The following SCN2A variants were observed in gnomAD, a reference collection of about 807,000 sequenced individuals.
SCN2A encodes sodium channel protein type 2 subunit alpha.
In SCN2A, 20 loss-of-function variants were observed where a neutral mutation model predicts 188.7. The ratio of observed to expected loss-of-function variants is 0.11; its 90% CI spans 0.07 to 0.15. The LOEUF is 0.15. SCN2A is among the 10% of genes least tolerant of loss of function. The pLI is 1.00. For missense variants in SCN2A, 1,278 were observed against 2,445.0 expected, an observed-to-expected ratio of 0.52 and a Z score of 10.07; for synonymous variants, 804 against 833.1, an observed-to-expected ratio of 0.97 and a Z score of 0.60.
intron 1 of SCN2A, among the ~76,000 whole-genome samples, chr2:165,251,778 C>A (rs1694106081): frequency 6.6e-6 from 1 of 152,018 alleles, no homozygotes; most frequent in East Asian, 1.9e-4. Context: ...AAAATCTCCT[C>A]TTGGGGTGTG....
At chr2:165,294,040 AT>A (rs1553563950) in intron 1 of SCN2A, 28,319 of 597,278 alleles carry the variant, frequency 0.047, 11 homozygotes, top group Middle Eastern at 0.068. Flanking sequence ...AAAAAAAAAG[AT>A]TTTTTTTTTT....
chr2:165,384,243 A>G (rs958060222), intron 25 of SCN2A, among the ~76,000 whole-genome samples: 2 of 152,150 alleles, frequency 1.3e-5, no homozygotes, highest in African/African-American at 4.8e-5. Flanking sequence ...AAAAGTAAAA[A>G]TAGAGGGCAA....
chr2:165,357,287 TTGTC>T (rs762928061), intron 17 of SCN2A, among the ~76,000 whole-genome samples: 1 of 152,210 alleles, frequency 6.6e-6, no homozygotes, highest in Non-Finnish European at 1.5e-5. Context: ...CTAGTCATTT[TTGTC>T]TGGTCATTTT....
intron 25 of SCN2A, among the ~76,000 whole-genome samples, chr2:165,383,283 TA>T (rs1193596131): frequency 6.6e-6 from 1 of 151,786 alleles, no homozygotes; most frequent in East Asian, 1.9e-4. Flanking sequence ...AAGGCTTTAT[TA>T]AAAAAATATA....
At chr2:165,364,470 A>C (rs188380095) in intron 17 of SCN2A, among the ~76,000 whole-genome samples, 2 of 152,358 alleles carry the variant, frequency 1.3e-5, no homozygotes, top group African/African-American at 4.8e-5. Flanking sequence ...TTCTGCCTGT[A>C]CTAACAGGGC....
chr2:165,358,243 AAGAT>A (rs1700279453), intron 17 of SCN2A, among the ~76,000 whole-genome samples: 1 of 152,204 alleles, frequency 6.6e-6, no homozygotes, highest in Non-Finnish European at 1.5e-5. Context: ...CTTTAAAAAA[AAGAT>A]AGCCCAGTTA....
At chr2:165,301,049 A>G (rs1462762416) in intron 3 of SCN2A, among the ~76,000 whole-genome samples, 1 of 152,164 alleles carries the variant, frequency 6.6e-6, no homozygotes, top group African/African-American at 2.4e-5. Context: ...TTGCTGAGCA[A>G]TTGGTTGTGG....
chr2:165,380,960 A>G, intron 24 of SCN2A, 133 bp from the exon 25 acceptor site: 1 of 706,360 alleles, frequency 1.4e-6, no homozygotes, highest in Non-Finnish European at 2.4e-6. Context: ...TATTGAATAA[A>G]GGCATCTCTA....
intron 17 of SCN2A, among the ~76,000 whole-genome samples, chr2:165,357,564 C>T: frequency 6.6e-6 from 1 of 151,894 alleles, no homozygotes; most frequent in Non-Finnish European, 1.5e-5. Flanking sequence ...CTAGAGTAGG[C>T]CATTTAAAAT....
Position 165,354,573 on chromosome 2 carries a change from C to T in SCN2A, c.3301C>T (p.Leu1101Phe), listed in dbSNP as rs763085468. 6.2e-7 allele frequency: 1 copy of T among 1,614,052 alleles called. No individual in the cohort carries two copies. The highest frequency in any genetic ancestry group is 8.5e-7 in the Non-Finnish European group (1 of 1,179,992). ...DYMSFINNPS[L>F]TVTVPIAVGE... is the part of the protein sequence containing the mutation. ...CATGTCATTTATAAACAACCCTAGCCTCACTGTGACAGTACCAATTGCTGT... is the reference window on the plus strand; with the variant it reads ...CATGTCATTTATAAACAACCCTAGCTTCACTGTGACAGTACCAATTGCTGT... Residue 1101 changes from leucine (L) to phenylalanine (F), a missense_variant, in exon 17 of 27, where the codon CTC (leucine) becomes TTC (phenylalanine). By Grantham distance (22) the Leu-to-Phe change is conservative. This residue lies in a region of SCN2A where 228 missense variants were observed against 297.3 expected (regional missense o/e 0.77). Coordinates refer to ENST00000375437, the MANE Select transcript of SCN2A (RefSeq NM_001040142.2).
chr2:165,377,502 GAAT>G, intron 22 of SCN2A, 92 bp from the exon 23 acceptor site: 1 of 1,102,182 alleles, frequency 9.1e-7, no homozygotes, highest in African/African-American at 1.6e-5. Context: ...TGCCTGTATT[GAAT>G]ACATGTCAAA....
chr2:165,301,368 G>A (rs1696799150), intron 3 of SCN2A, among the ~76,000 whole-genome samples: 1 of 152,144 alleles, frequency 6.6e-6, no homozygotes. Flanking sequence ...CTGCCAAAGA[G>A]CTGAGACCCT....
intron 22 of SCN2A, among the ~76,000 whole-genome samples, chr2:165,376,237 A>G (rs945331676): frequency 2.2e-4 from 34 of 152,012 alleles, no homozygotes; most frequent in Admixed American, 1.5e-3. Context: ...ATTATATATT[A>G]CTTAGCTTGA....
At chr2:165,325,889 T>C (rs754002284) in intron 12 of SCN2A, among the ~76,000 whole-genome samples, 4 of 152,126 alleles carry the variant, frequency 2.6e-5, no homozygotes, top group Non-Finnish European at 5.9e-5. Flanking sequence ...TTACAAAAGA[T>C]AAAATACTGC....
At chr2:165,265,471 CTATATATATATATATATATATA>C (rs1178289931) in intron 1 of SCN2A, among the ~76,000 whole-genome samples, 30 of 29,020 alleles carry the variant, frequency 1.0e-3, no homozygotes, top group South Asian at 2.0e-3. Context: ...CTCTGTTGAT[CTATATATATATATATATATATA>C]TATATATATA....
intron 1 of SCN2A, among the ~76,000 whole-genome samples, chr2:165,247,772 C>T (rs1039636543): frequency 2.6e-5 from 4 of 152,088 alleles, no homozygotes; most frequent in African/African-American, 9.7e-5. Flanking sequence ...AAATATTTAC[C>T]TCCAGTTTTC....
rs1007443055 is a variant in SCN2A, at chr2:165,245,728, C to T, written c.-52+6088C>T. Among the ~76,000 whole-genome samples the T allele has an allele frequency of 1.2e-4, 18 of 152,264 alleles. No individual in the cohort carries two copies. The South Asian group carries it at 2.5e-3, about 21-fold the overall frequency. On this transcript the variant is annotated intron_variant, in intron 1 of 26. Transcript: ENST00000375437. ...CAGTTTGTTAATAATTTCTCCACAACGACAGGTATAAATCAAGATGGTTCC... is the reference window on the plus strand; with the variant it reads ...CAGTTTGTTAATAATTTCTCCACAATGACAGGTATAAATCAAGATGGTTCC...
chr2:165,241,151 T>A (rs1693604913), intron 1 of SCN2A: 1 of 151,980 alleles, frequency 6.6e-6, no homozygotes. Flanking sequence ...TGTGTGTGTG[T>A]GTGTGTGCAT....
intron 3 of SCN2A, among the ~76,000 whole-genome samples, chr2:165,303,502 C>T (rs1006635539): frequency 6.6e-6 from 1 of 151,966 alleles, no homozygotes; most frequent in Non-Finnish European, 1.5e-5. Context: ...GTCTCGATCT[C>T]CTGACCTCGT....
Sources: allele counts gnomAD v4.1 joint callset (sites outside exome capture counted in the v4.1 genomes callset), GRCh38; gene constraint gnomAD v4.1.1; regional missense constraint gnomAD v4.1.1; transcripts MANE v1.5; gene names NCBI Gene and HGNC (gene_info 2026-07-23, HGNC 2026-07-21).